Variants in NYNRIN observed in about 807,000 individuals in gnomAD.
The protein encoded by NYNRIN is NYN domain and retroviral integrase containing.
A neutral mutation model predicts 146.6 loss-of-function variants in NYNRIN; 86 were observed. The ratio of observed to expected loss-of-function variants is 0.59; its 90% CI spans 0.49 to 0.70. The LOEUF is 0.70. NYNRIN is among the 30% of genes least tolerant of loss of function. The pLI, the probability that NYNRIN is intolerant of heterozygous loss-of-function variation, is 0.00. For synonymous variants in NYNRIN, 1,027 were observed against 1,001.3 expected, an observed-to-expected ratio of 1.03 and a Z score of -0.48; for missense variants, 2,191 against 2,377.7, an observed-to-expected ratio of 0.92 and a Z score of 1.63.
Position 24,415,506 on chromosome 14 carries a change from G to C in NYNRIN, c.3757G>C (p.Ala1253Pro). ...EVREGRRVSK[A>P]WLIRWSLLVQ... ...GCGGGAGGGCCGCAGGGTTTCCAAA[G>C]CTTGGTTGATCCGATGGTCCCTCTT... Residue 1253 changes from alanine to proline, a missense_variant, in exon 9 of 9, where the codon GCT becomes CCT. Coordinates refer to ENST00000382554, the MANE Select transcript of NYNRIN (RefSeq NM_025081.3). 1.2e-6 allele frequency: 2 copies of C among 1,613,882 alleles called. No homozygotes were observed. Among genetic ancestry groups the C allele is most frequent in the Non-Finnish European group, 1.7e-6 (2 of 1,179,836 alleles).
chr14:24,411,245 C>T lies in NYNRIN; in HGVS notation c.2545+39C>T. On this transcript the variant is annotated intron_variant, in intron 5 of 8. Transcript: ENST00000382554. The surrounding 1 kb of genome is among the most constrained non-coding windows in gnomAD (Gnocchi z 4.3). ...TGCCTGCCCAGCCTCCACAGTGTCA[C>T]CAAGCTTTCTTCTCTCTGCCTTGCT... The T allele has an allele frequency of 6.2e-7, 1 of 1,611,106 alleles. No homozygotes were observed. Among genetic ancestry groups the T allele is most frequent in the Admixed American group, 1.7e-5 (1 of 59,458 alleles).
At chr14:24,412,241 A>G (rs764109489) in intron 6 of NYNRIN, among the ~76,000 whole-genome samples, 10 of 152,102 alleles carry the variant, frequency 6.6e-5, no homozygotes, top group Non-Finnish European at 1.5e-4. Context: ...AAGTGCCTTT[A>G]AGTTCAGGCG....
intron 2 of NYNRIN, among the ~76,000 whole-genome samples, chr14:24,402,039 G>C (rs574552371): frequency 6.1e-4 from 93 of 152,296 alleles, no homozygotes; most frequent in African/African-American, 2.2e-3. Context: ...CTGGGGGAGG[G>C]CTGATGGTGA....
rs2042957219 is a variant in NYNRIN, at chr14:24,417,603, G to A, written c.*157G>A. ...AGCTTTGCTGAATTGCCTTGAACTA[G>A]GGACCAGCATCCCCATGGAAACATC... On this transcript the variant is annotated 3_prime_UTR_variant, in exon 9 of 9. Transcript: ENST00000382554. 6 of 1,072,582 alleles carry A rather than the reference G, an allele frequency of 5.6e-6. No individual in the cohort carries two copies. Among genetic ancestry groups the A allele is most frequent in the Admixed American group, 7.0e-5 (2 of 28,708 alleles). 66.4% of individuals were successfully genotyped at this position (1,072,582 alleles called of 1,614,324 possible).
Position 24,412,984 on chromosome 14 carries a change from C to G in NYNRIN, c.2643-13C>G. 1 of 1,569,512 alleles carries G rather than the reference C, an allele frequency of 6.4e-7. No individual in the cohort carries two copies. Among genetic ancestry groups the G allele is most frequent in the South Asian group, 1.2e-5 (1 of 85,530 alleles). ...AGTTACTGGGTCATTAGTGACTTCC[C>G]CTCTCCCTGCAGGTTCATGGTAAAG... On this transcript the variant is annotated splice_polypyrimidine_tract_variant and intron_variant, in intron 6 of 8. Coordinates refer to ENST00000382554, the MANE Select transcript of NYNRIN (RefSeq NM_025081.3).
chr14:24,415,176 C>T lies in NYNRIN; in HGVS notation c.3427C>T (p.Arg1143Ter), dbSNP rs1435373180. ...TGAGGAGGCCTTCCTGGCCCTGAAG[C>T]GAGCCCTGGTGTCTGCCCTCTGCCT... ...EHEEAFLALK[R>*]ALVSALCLMA... is the part of the protein sequence containing the mutation. Residue 1143 changes from arginine to a stop codon, truncating the protein, a stop_gained, in exon 9 of 9, where the codon CGA becomes TGA. Transcript: ENST00000382554. LOFTEE classifies it high-confidence loss of function. 9 of 1,608,036 alleles carry T rather than the reference C, an allele frequency of 5.6e-6. No homozygotes were observed. The highest frequency in any genetic ancestry group is 7.6e-6 in the Non-Finnish European group (9 of 1,179,406).
Position 24,407,991 on chromosome 14 carries a change from T to TGCCTACC in NYNRIN, c.322_328dup (p.Leu110ArgfsTer18). The TGCCTACC allele has an allele frequency of 1.2e-6, 2 of 1,614,028 alleles. No homozygotes were observed. The highest frequency in any genetic ancestry group is 1.7e-6 in the Non-Finnish European group (2 of 1,179,888). On this transcript the variant is annotated frameshift_variant, in exon 3 of 9. Coordinates refer to ENST00000382554, the MANE Select transcript of NYNRIN (RefSeq NM_025081.3). LOFTEE classifies it high-confidence loss of function. ...TGGACTGCCTCTGCTGGAGCACCCT[T>TGCCTACC]GCCTACCTGGTGCCTGGCCCCCCTG...
At chr14:24,401,606 T>G (rs2042844227) in intron 2 of NYNRIN, among the ~76,000 whole-genome samples, 2 of 152,210 alleles carry the variant, frequency 1.3e-5, no homozygotes, top group Admixed American at 1.3e-4. Context: ...TATCCTCTCT[T>G]GAGCCATTTC....
Position 24,417,455 on chromosome 14 carries a change from A to T in NYNRIN, c.*9A>T. Reference sequence around the variant, plus strand: ...AGGTCTTGGAGCAGTGAGCGGGAGCAGCGGGGGTGCCCCCTGCCCCAGGGC... The same window carrying T: ...AGGTCTTGGAGCAGTGAGCGGGAGCTGCGGGGGTGCCCCCTGCCCCAGGGC... On this transcript the variant is annotated 3_prime_UTR_variant, in exon 9 of 9. Transcript: ENST00000382554. 2 of 1,461,182 alleles carry T rather than the reference A, an allele frequency of 1.4e-6. No individual in the cohort carries two copies. The highest frequency in any genetic ancestry group is 2.9e-5 in the South Asian group (2 of 69,514). 90.5% of individuals were successfully genotyped at this position (1,461,182 alleles called of 1,614,324 possible).
intron 1 of NYNRIN, 65 bp downstream of exon 1, chr14:24,399,151 G>T: frequency 8.4e-7 from 1 of 1,196,010 alleles, no homozygotes; most frequent in Non-Finnish European, 1.2e-6. Context: ...GAGGGGGCGT[G>T]GCTTAGGCGC....
Position 24,408,498 on chromosome 14 carries a change from A to C in NYNRIN, c.828A>C (p.Thr276=). The C allele has an allele frequency of 6.3e-7, 1 of 1,586,474 alleles. No individual in the cohort carries two copies. Among genetic ancestry groups the C allele is most frequent in the South Asian group, 1.1e-5 (1 of 87,510 alleles). The part of the protein sequence containing the change: ...ATGSLITAQS[T]PQEAANQLVR... ...GGTCCCTGATCACAGCCCAGAGCAC[A>C]CCGCAGGAGGCAGCAAACCAGCTGG... is the stretch of plus-strand genomic sequence containing the variant. Residue 276 remains threonine (T), a synonymous_variant, in exon 3 of 9, where the codon ACA becomes ACC. Coordinates refer to ENST00000382554, the MANE Select transcript of NYNRIN (RefSeq NM_025081.3).
rs2042902401 is a variant in NYNRIN, at chr14:24,410,067, A to T, written c.2273A>T (p.His758Leu). Residue 758 changes from histidine (H) to leucine (L), a missense_variant, in exon 4 of 9, where the codon CAC becomes CTC. This residue lies in a region of NYNRIN where 895 missense variants were observed against 941.2 expected (regional missense o/e 0.95). Transcript: ENST00000382554. ...GGGGCCCCAAGGCAGCCACCTCGCC[A>T]CCTGCAAGCGAACAGCACAGTGACC... ...WEGAPRQPPR[H>L]LQANSTVTSF... 2 of 1,613,828 alleles carry T rather than the reference A, an allele frequency of 1.2e-6. No individual in the cohort carries two copies. The highest frequency in any genetic ancestry group is 1.7e-6 in the Non-Finnish European group (2 of 1,179,910).
Position 24,409,961 on chromosome 14 carries a change from C to G in NYNRIN, c.2167C>G (p.Gln723Glu). The G allele has an allele frequency of 2.5e-6, 4 of 1,613,732 alleles. No individual in the cohort carries two copies. The highest frequency in any genetic ancestry group is 3.4e-6 in the Non-Finnish European group (4 of 1,179,760). The change falls in exon 4 of 9, where the codon CAG (glutamine) becomes GAG (glutamate). Residue 723 changes from glutamine to glutamate, a missense_variant. Coordinates refer to ENST00000382554, the MANE Select transcript of NYNRIN (RefSeq NM_025081.3). Reference sequence around the variant, plus strand: ...GAAGGGCCAGGGGCAGGCTGGAAGGCAGGGTCCCCAGTCCAGTGGCACCTT... The same window carrying G: ...GAAGGGCCAGGGGCAGGCTGGAAGGGAGGGTCCCCAGTCCAGTGGCACCTT... Reference protein sequence around the residue: ...LLKGQGQAGRQGPQSSGTLAL... With the variant: ...LLKGQGQAGREGPQSSGTLAL...
chr14:24,408,197 G>A lies in NYNRIN; in HGVS notation c.527G>A (p.Gly176Glu), dbSNP rs2042888028. The change falls in exon 3 of 9, where the codon GGG becomes GAG. Residue 176 changes from glycine to glutamate, a missense_variant. Gly to Glu is a moderately conservative substitution (Grantham distance 98). Around this residue, in one of 3 missense-constraint regions of NYNRIN, gnomAD observed 895 missense variants for 941.2 expected, o/e 0.95. Coordinates refer to ENST00000382554, the MANE Select transcript of NYNRIN (RefSeq NM_025081.3). ...TGGATCCGTGGTGACCAGCATGCAGGGGACCTACTGCAGCTGCCCCCAGCG... is the reference window on the plus strand; with the variant it reads ...TGGATCCGTGGTGACCAGCATGCAGAGGACCTACTGCAGCTGCCCCCAGCG... ...LVWIRGDQHA[G>E]DLLQLPPAVQ... 3.1e-6 allele frequency: 5 copies of A among 1,601,054 alleles called. No individual in the cohort carries two copies. In the African/African-American group the frequency reaches 4.0e-5, roughly 13 times the overall value.
Position 24,409,701 on chromosome 14 carries a change from C to T in NYNRIN, c.1907C>T (p.Ser636Leu). 6.2e-7 allele frequency: 1 copy of T among 1,605,598 alleles called. No individual in the cohort carries two copies. Among genetic ancestry groups the T allele is most frequent in the Non-Finnish European group, 8.5e-7 (1 of 1,175,976 alleles). The change falls in exon 4 of 9, where the codon TCA (serine) becomes TTA (leucine). Residue 636 changes from serine (S) to leucine (L), a missense_variant. Ser to Leu is a moderately radical substitution (Grantham distance 145, BLOSUM62 -2). Around this residue, in one of 3 missense-constraint regions of NYNRIN, gnomAD observed 895 missense variants for 941.2 expected, o/e 0.95. Transcript: ENST00000382554. ...QAQKMPVAKT[S>L]PAGPKTPKAQ... ...CAGAAGATGCCTGTAGCAAAAACAT[C>T]ACCTGCAGGTCCCAAAACACCCAAA... is the stretch of plus-strand genomic sequence containing the variant.
In NYNRIN at chr14:24,416,963, G is replaced by T; in HGVS notation, c.5214G>T (p.Ala1738=). 1 of 1,584,830 alleles carries T rather than the reference G, an allele frequency of 6.3e-7. No individual in the cohort carries two copies. The highest frequency in any genetic ancestry group is 8.6e-7 in the Non-Finnish European group (1 of 1,163,856). Residue 1738 remains alanine (A), a synonymous_variant, in exon 9 of 9, where the codon GCG becomes GCT. Transcript: ENST00000382554. ...TCTTCCTGCATGGGAAGAAGTGGGC[G>T]GCCTCCCTGCCTTTGCTGCACCTGG... The part of the protein sequence containing the change: ...EFIFLHGKKW[A]ASLPLLHLAF...
Position 24,414,766 on chromosome 14 carries a change from A to T in NYNRIN, c.3017A>T (p.Gln1006Leu). The T allele has an allele frequency of 6.2e-7, 1 of 1,613,804 alleles. No individual in the cohort carries two copies. The highest frequency in any genetic ancestry group is 1.1e-5 in the South Asian group (1 of 91,072). Residue 1006 changes from glutamine to leucine, a missense_variant, in exon 9 of 9, where the codon CAG becomes CTG. Around this residue, in one of 3 missense-constraint regions of NYNRIN, gnomAD observed 1,291 missense variants for 1,417.0 expected, o/e 0.91. Coordinates refer to ENST00000382554, the MANE Select transcript of NYNRIN (RefSeq NM_025081.3). Reference protein sequence around the residue: ...KEERQDEEQRQGQGTQKAAEE... With the variant: ...KEERQDEEQRLGQGTQKAAEE... ...GAGAGGCAGGATGAGGAGCAGAGAC[A>T]GGGGCAGGGCACACAGAAGGCGGCT...
At chr14:24,413,784 G>C (rs986635119) in intron 8 of NYNRIN, among the ~76,000 whole-genome samples, 8 of 152,150 alleles carry the variant, frequency 5.3e-5, no homozygotes, top group Non-Finnish European at 1.2e-4. Flanking sequence ...TTCTTGTTGA[G>C]GGCCATTTGA....
Position 24,399,100 on chromosome 14 carries a change from C to T in NYNRIN, c.-18+14C>T. 1.4e-6 allele frequency: 1 copy of T among 728,242 alleles called. No homozygotes were observed. The highest frequency in any genetic ancestry group is 2.1e-6 in the Non-Finnish European group (1 of 465,884). The allele number at this position is 728,242 out of a possible 1,614,324, so 45.1% of individuals were successfully genotyped here. ...GAGCCGTGCGGGGTGGGTCCCGCCG[C>T]CTGGAGGAAGGAGGCCGTGCGGGGG... is the stretch of plus-strand genomic sequence containing the variant. On this transcript the variant is annotated intron_variant, in intron 1 of 8. Transcript: ENST00000382554.
Sources: gnomAD v4.1 joint callset for allele counts (sites outside exome capture counted in the v4.1 genomes callset) on GRCh38, gnomAD v4.1.1 for gene constraint, gnomAD v4.1.1 regional missense constraint, Gnocchi (gnomAD v3.1) non-coding constraint, MANE v1.5 for transcripts, NCBI Gene and HGNC (gene_info 2026-07-23, HGNC 2026-07-21) for gene names.